The following TUBB8B variants were observed in gnomAD, a reference collection of about 807,000 sequenced individuals.
TUBB8B encodes the protein tubulin beta 8B.
A neutral mutation model predicts 31.9 loss-of-function variants in TUBB8B; 26 were observed. The observed-to-expected ratio is 0.81, with a 90% confidence interval of 0.60 to 1.13. The LOEUF is 1.13. TUBB8B is among the 50% of genes most tolerant of loss of function. The pLI, the probability that TUBB8B is intolerant of heterozygous loss-of-function variation, is 0.00. For synonymous variants in TUBB8B, 173 were observed against 231.0 expected (o/e 0.75, Z 2.28); for missense variants, 467 against 586.7 (o/e 0.80, Z 2.11).
At position 47,882 on chromosome 18, in the gene TUBB8B, G is replaced by A. The variant is rs746481152; in HGVS notation, c.843C>T (p.Tyr281=). The A allele has an allele frequency of 2.6e-6, 4 of 1,566,932 alleles. No homozygotes were observed. The East Asian group carries it at 6.7e-5, about 26-fold the overall frequency. The change falls in exon 4 of 4, where the codon TAC becomes TAT. Residue 281 remains tyrosine (Y), a synonymous_variant. Transcript: ENST00000308911. The stretch of plus-strand genomic sequence containing the variant: ...TGAGCTCAGCCACAGTCAAGGCCCG[G>A]TACTGCTGGCTGCCCCGGCTGGTCA... ...APLTSRGSQQ[Y]RALTVAELTQ...
At chr18:62,538 C>A in the TUBB8B span, among the ~76,000 whole-genome samples, 1 of 151,216 alleles carries the variant, frequency 6.6e-6, no homozygotes, top group Non-Finnish European at 1.5e-5. Context: ...CCTGCCTCAG[C>A]CTCCCAAGGA....
chr18:66,866 C>T, the TUBB8B span, among the ~76,000 whole-genome samples: 722 of 152,236 alleles, frequency 4.7e-3, 7 homozygotes, highest in African/African-American at 0.016. Flanking sequence ...TGTAGTACTG[C>T]CACCTTAAGA....
chr18:59,546 C>CTTTTTT, the TUBB8B span, among the ~76,000 whole-genome samples: 1 of 136,848 alleles, frequency 7.3e-6, no homozygotes, highest in African/African-American at 2.7e-5. Context: ...GTCCTTCATT[C>CTTTTTT]TTTTTTTTTT....
the TUBB8B span, among the ~76,000 whole-genome samples, chr18:72,563 G>A: frequency 1.3e-5 from 2 of 152,074 alleles, no homozygotes; most frequent in Admixed American, 1.3e-4. Context: ...TTGAGACAAG[G>A]TCTCGCTCTG....
the TUBB8B span, among the ~76,000 whole-genome samples, chr18:71,569 TAAAAAAAAAAA>T: frequency 1.6e-4 from 9 of 57,644 alleles, no homozygotes; most frequent in East Asian, 5.7e-4. Context: ...AAAAAAAATT[TAAAAAAAAAAA>T]AAAAAAAAAA....
upstream of TUBB8B, among the ~76,000 whole-genome samples, chr18:51,839 A>C (rs964328126): frequency 2.0e-5 from 3 of 151,912 alleles, no homozygotes; most frequent in Non-Finnish European, 4.4e-5. Context: ...GACCATGTGC[A>C]ACTGTGAGTC....
the TUBB8B span, chr18:73,255 A>C: frequency 1.3e-5 from 2 of 159,974 alleles, no homozygotes; most frequent in Non-Finnish European, 1.5e-5. Flanking sequence ...CCGACGGGAA[A>C]CGCGGCCGCG....
chr18:64,196 C>T, the TUBB8B span, among the ~76,000 whole-genome samples: 22 of 152,216 alleles, frequency 1.4e-4, no homozygotes, highest in East Asian at 2.7e-3. Context: ...TAAGCAAACC[C>T]TAACACACTA....
the TUBB8B span, among the ~76,000 whole-genome samples, chr18:64,967 G>C: frequency 6.6e-6 from 1 of 152,058 alleles, no homozygotes; most frequent in Non-Finnish European, 1.5e-5. Context: ...CACAAGAACA[G>C]AAAGGTACAG....
In TUBB8B at chr18:47,560, A is replaced by T. The variant is rs757003232; in HGVS notation, c.1165T>A (p.Phe389Ile). Residue 389 changes from phenylalanine to isoleucine, a missense_variant, in exon 4 of 4, where the codon TTC becomes ATC. Transcript: ENST00000308911. ...TCVSEQFTAMFRRKAFLHWYT... is the reference protein window; with the variant it reads ...TCVSEQFTAMIRRKAFLHWYT... ...CAGTGGAGGAAGGCCTTGCGCCTGAACATTGCTGTAAACTGCTCTGAGACA... is the reference window on the plus strand; with the variant it reads ...CAGTGGAGGAAGGCCTTGCGCCTGATCATTGCTGTAAACTGCTCTGAGACA... 8 of 1,531,588 alleles carry T rather than the reference A, an allele frequency of 5.2e-6. 1 individual carries two copies. In the East Asian group the frequency reaches 1.8e-4, roughly 34 times the overall value. 94.9% of individuals were successfully genotyped at this position (1,531,588 alleles called of 1,614,324 possible).
chr18:69,973 A>G, the TUBB8B span, among the ~76,000 whole-genome samples: 2 of 152,124 alleles, frequency 1.3e-5, no homozygotes, highest in Non-Finnish European at 2.9e-5. Flanking sequence ...CATGGCCAAC[A>G]TGGCGAAACC....
At chr18:64,681 C>T in the TUBB8B span, among the ~76,000 whole-genome samples, 145 of 152,174 alleles carry the variant, frequency 9.5e-4, no homozygotes, top group African/African-American at 2.9e-3. Context: ...GCCAAGACTG[C>T]GCCACTGCAC....
At chr18:54,306 G>C (rs1906214154), upstream of TUBB8B, among the ~76,000 whole-genome samples, 1 of 151,680 alleles carries the variant, frequency 6.6e-6, no homozygotes, top group Admixed American at 6.6e-5. Context: ...GACATACTTT[G>C]ATACAGGCAT....
upstream of TUBB8B, among the ~76,000 whole-genome samples, chr18:53,401 T>C (rs1906186119): frequency 1.3e-5 from 2 of 151,962 alleles, no homozygotes; most frequent in Non-Finnish European, 2.9e-5. Flanking sequence ...ATAGTTAATA[T>C]GCAAGTTGAC....
chr18:53,073 A>G (rs1906174265), upstream of TUBB8B, among the ~76,000 whole-genome samples: 1 of 151,784 alleles, frequency 6.6e-6, no homozygotes, highest in Non-Finnish European at 1.5e-5. Flanking sequence ...ATGGCCATAA[A>G]TATTCTGCAG....
Position 47,466 on chromosome 18 carries a change from G to T in TUBB8B, c.1259C>A (p.Ser420Tyr). ...GGCATCCTGATATTGCTGATATTCA[G>T]ACACCAGGTCGTTCATGTTGCTCTC... ...EAESNMNDLVSEYQQYQDATA... is the reference protein window; with the variant it reads ...EAESNMNDLVYEYQQYQDATA... Residue 420 changes from serine (S) to tyrosine (Y), a missense_variant, in exon 4 of 4, where the codon TCT becomes TAT. Physicochemically the swap from Ser to Tyr is moderately radical, Grantham distance 144. Coordinates refer to ENST00000308911, the MANE Select transcript of TUBB8B (RefSeq NM_001358689.2). The T allele has an allele frequency of 3.4e-6, 5 of 1,477,648 alleles. No individual in the cohort carries two copies. Among genetic ancestry groups the T allele is most frequent in the Non-Finnish European group, 4.7e-6 (5 of 1,060,684 alleles). The allele number at this position is 1,477,648 out of a possible 1,614,324, so 91.5% of individuals were successfully genotyped here. A position where few individuals can be genotyped will look rare whatever the true frequency, so the allele number is the denominator to read the frequency against.
At chr18:72,196 A>AAAAC in the TUBB8B span, among the ~76,000 whole-genome samples, 1,207 of 84,408 alleles carry the variant, frequency 0.014, 100 homozygotes, top group Non-Finnish European at 0.021. Flanking sequence ...AAAAAAAAAA[A>AAAAC]AAAGGAAAAA....
In TUBB8B at chr18:48,556, C is replaced by T. The variant is rs1353823528; in HGVS notation, c.278-109G>A. The T allele has an allele frequency of 4.6e-5, 39 of 846,600 alleles. 1 individual carries two copies. Among genetic ancestry groups the T allele is most frequent in the Non-Finnish European group, 7.1e-5 (36 of 504,202 alleles). The allele number at this position is 846,600 out of a possible 1,614,324, so 52.4% of individuals were successfully genotyped here. Reference sequence around the variant, plus strand: ...TCACATGTGAGGTGAAAGCACCATTCGCCCTGCAGGTGGAGCAAATGAAAC... The same window carrying T: ...TCACATGTGAGGTGAAAGCACCATTTGCCCTGCAGGTGGAGCAAATGAAAC... On this transcript the variant is annotated intron_variant, in intron 3 of 3. Transcript: ENST00000308911.
At position 48,298 on chromosome 18, in the gene TUBB8B, T is replaced by G; in HGVS notation, c.427A>C (p.Thr143Pro). The G allele has an allele frequency of 6.2e-7, 1 of 1,611,820 alleles. No homozygotes were observed. The highest frequency in any genetic ancestry group is 8.5e-7 in the Non-Finnish European group (1 of 1,178,330). ...AGAAGGGTACCCATCCCAGACCCAG[T>G]CCCCCCACCCAGGGAGTGGGTCAGC... Reference protein sequence around the residue: ...FQLTHSLGGGTGSGMGTLLIS... With the variant: ...FQLTHSLGGGPGSGMGTLLIS... The change falls in exon 4 of 4, where the codon ACT (threonine) becomes CCT (proline). Residue 143 changes from threonine to proline, a missense_variant. Physicochemically the swap from Thr to Pro is conservative, Grantham distance 38. This residue lies in a region of TUBB8B where 259 missense variants were observed against 380.1 expected (regional missense o/e 0.68). Transcript: ENST00000308911.
Sources: gnomAD v4.1 joint callset for allele counts (sites outside exome capture counted in the v4.1 genomes callset) on GRCh38, gnomAD v4.1.1 for gene constraint, gnomAD v4.1.1 regional missense constraint, MANE v1.5 for transcripts, NCBI Gene and HGNC (gene_info 2026-07-23, HGNC 2026-07-21) for gene names.